Variants in MACROD2 observed in about 807,000 individuals in gnomAD.
MACROD2 encodes the protein ADP-ribose glycohydrolase MACROD2.
MACROD2 carries 36 observed loss-of-function variants against 70.4 expected under a neutral mutation model. That is an observed-to-expected ratio of 0.51 (90% CI 0.39 to 0.68). The LOEUF (loss-of-function observed/expected upper bound fraction) is 0.68. Among genes scored for constraint, MACROD2 ranks in the 30% least tolerant of loss-of-function variants. The pLI is 0.00. For synonymous variants in MACROD2, 172 were observed against 178.8 expected (o/e 0.96, Z 0.30); for missense variants, 496 against 538.4 (o/e 0.92, Z 0.78).
chr20:14,089,347 A>G (rs941466888), intron 3 of MACROD2, among the ~76,000 whole-genome samples: 1 of 152,192 alleles, frequency 6.6e-6, no homozygotes, highest in African/African-American at 2.4e-5. Flanking sequence ...ACAAGACAAC[A>G]TGGCAGGAAA....
At chr20:14,124,543 A>G (rs2054622845) in intron 3 of MACROD2, among the ~76,000 whole-genome samples, 1 of 152,166 alleles carries the variant, frequency 6.6e-6, no homozygotes, top group Non-Finnish European at 1.5e-5. Context: ...TGATCCTGGA[A>G]CTGAAATGTC....
intron 8 of MACROD2, among the ~76,000 whole-genome samples, chr20:15,648,859 G>C (rs459506): frequency 0.024 from 3,607 of 152,044 alleles, 170 homozygotes; most frequent in East Asian, 0.2. Flanking sequence ...TTAGAAACTT[G>C]TCTAAATTTA....
intron 3 of MACROD2, among the ~76,000 whole-genome samples, chr20:14,492,788 C>A (rs1477943859): frequency 6.6e-6 from 1 of 151,980 alleles, no homozygotes; most frequent in South Asian, 2.1e-4. Flanking sequence ...TAAATTTAGG[C>A]ATAAGGTTGT....
intron 3 of MACROD2, among the ~76,000 whole-genome samples, chr20:14,275,666 A>G (rs1412302423): frequency 6.6e-6 from 1 of 152,206 alleles, no homozygotes; most frequent in Non-Finnish European, 1.5e-5. Flanking sequence ...CTGCACAGCA[A>G]AAGAAACTAC....
chr20:14,085,659 TTGAC>T lies in MACROD2; in HGVS notation c.206_209del (p.Thr69LysfsTer13). 2 of 1,582,528 alleles carry T rather than the reference TTGAC, an allele frequency of 1.3e-6. No homozygotes were observed. Among genetic ancestry groups the T allele is most frequent in the Non-Finnish European group, 1.7e-6 (2 of 1,163,836 alleles). ...GGAAACATCCCAGGTGAAGAAAAGT[TTGAC>T]TGAAAAAGTTTCTCTCTATAGAGGT... is the stretch of plus-strand genomic sequence containing the variant. On this transcript the variant is annotated frameshift_variant, in exon 3 of 18. Coordinates refer to ENST00000684519, the MANE Select transcript of MACROD2 (RefSeq NM_001351661.2). LOFTEE classifies it high-confidence loss of function.
chr20:14,202,050 C>T (rs1280876343), intron 3 of MACROD2, among the ~76,000 whole-genome samples: 1 of 151,996 alleles, frequency 6.6e-6, no homozygotes, highest in East Asian at 1.9e-4. Context: ...CTACTATTTC[C>T]AAGATGATAT....
At chr20:14,076,871 A>G (rs1055762040) in intron 2 of MACROD2, among the ~76,000 whole-genome samples, 1 of 152,214 alleles carries the variant, frequency 6.6e-6, no homozygotes, top group African/African-American at 2.4e-5. Context: ...TTAAGATTAT[A>G]AAAATTATAA....
chr20:15,365,660 C>CAA (rs34038906), intron 6 of MACROD2, among the ~76,000 whole-genome samples: 4 of 111,996 alleles, frequency 3.6e-5, no homozygotes, highest in Non-Finnish European at 5.6e-5. Context: ...GGCTCTGTCT[C>CAA]AAAAAAAAAA....
chr20:15,589,170 A>C (rs2048644073), intron 8 of MACROD2, among the ~76,000 whole-genome samples: 1 of 152,044 alleles, frequency 6.6e-6, no homozygotes, highest in Non-Finnish European at 1.5e-5. Context: ...CCCTAATAAA[A>C]CCATCAGATC....
chr20:15,816,575 A>G (rs1347099493), intron 8 of MACROD2, among the ~76,000 whole-genome samples: 1 of 152,120 alleles, frequency 6.6e-6, no homozygotes, highest in Non-Finnish European at 1.5e-5. Flanking sequence ...TCATTCATAG[A>G]CCTTATAGCT....
Position 14,248,584 on chromosome 20 carries a change from A to AAAT in MACROD2, c.271+162874_271+162876dup, listed in dbSNP as rs368230901. Among the ~76,000 whole-genome samples the AAAT allele has an allele frequency of 3.3e-3, 501 of 151,944 alleles. 8 individuals carry two copies. The highest frequency in any genetic ancestry group is 0.029 in the Admixed American group (446 of 15,240). ...GGTGACAGAGCGAGACTCTGTCTCA[A>AAAT]AATAATAATAATAATAATAAATAAA... is the stretch of plus-strand genomic sequence containing the variant. On this transcript the variant is annotated intron_variant, in intron 3 of 17. Transcript: ENST00000684519.
At chr20:15,782,125 A>T (rs1387773290) in intron 8 of MACROD2, among the ~76,000 whole-genome samples, 1 of 152,174 alleles carries the variant, frequency 6.6e-6, no homozygotes, top group Admixed American at 6.5e-5. Flanking sequence ...CTATTGGAGA[A>T]AAATGATGGT....
intron 5 of MACROD2, among the ~76,000 whole-genome samples, chr20:14,829,099 TC>T (rs1466347253): frequency 6.7e-6 from 1 of 148,766 alleles, no homozygotes; most frequent in Non-Finnish European, 1.5e-5. Context: ...CGCTCCCTGC[TC>T]CCCCGCCCCA....
intron 6 of MACROD2, among the ~76,000 whole-genome samples, chr20:15,319,330 C>A (rs1172078318): frequency 6.6e-6 from 1 of 152,142 alleles, no homozygotes; most frequent in African/African-American, 2.4e-5. Flanking sequence ...TGGAAGGCAT[C>A]TAATGCTTAT....
chr20:14,000,410 A>G (rs535915688), intron 1 of MACROD2, among the ~76,000 whole-genome samples: 3 of 152,186 alleles, frequency 2.0e-5, no homozygotes, highest in South Asian at 4.2e-4. Context: ...TTGTGCTTAC[A>G]TTAATACTTC....
chr20:15,979,624 T>C (rs2066366247), intron 13 of MACROD2, among the ~76,000 whole-genome samples: 1 of 152,086 alleles, frequency 6.6e-6, no homozygotes. Context: ...TTTAAAAAAT[T>C]CCATAGTTAA....
In MACROD2 at chr20:14,796,606, AT is replaced by A. The variant is rs557590744; in HGVS notation, c.418+111653del. 3.4e-3 allele frequency among the ~76,000 whole-genome samples: 524 copies of A among 152,108 alleles called. 16 individuals carry two copies. Among genetic ancestry groups the A allele is most frequent in the Non-Finnish European group, 2.9e-4 (20 of 67,970 alleles). On this transcript the variant is annotated intron_variant, in intron 5 of 17. Transcript: ENST00000684519. ...TTTCGTTTATAAGAGTACAGCATTT[AT>A]TTTTTCTTAACTGTGCTCGACTTTT...
intron 7 of MACROD2, among the ~76,000 whole-genome samples, chr20:15,486,824 A>G (rs1275291034): frequency 1.3e-5 from 2 of 152,230 alleles, no homozygotes; most frequent in Non-Finnish European, 1.5e-5. Flanking sequence ...CAGCAGCATT[A>G]GTTCTCACTC....
intron 8 of MACROD2, among the ~76,000 whole-genome samples, chr20:15,611,021 C>T (rs543745423): frequency 1.1e-3 from 106 of 92,762 alleles, no homozygotes; most frequent in African/African-American, 4.9e-3. Flanking sequence ...TTTTTTGCCC[C>T]CAGTGAGCAA....
Sources: allele counts gnomAD v4.1 joint callset (sites outside exome capture counted in the v4.1 genomes callset), GRCh38; gene constraint gnomAD v4.1.1; transcripts MANE v1.5; gene names NCBI Gene and HGNC (gene_info 2026-07-23, HGNC 2026-07-21).